Variants in CAPZA2 observed in about 807,000 individuals in gnomAD.
The protein encoded by CAPZA2 is F-actin-capping protein subunit alpha-2.
CAPZA2 carries 13 observed loss-of-function variants against 44.0 expected under a neutral mutation model. The ratio of observed to expected loss-of-function variants is 0.30; its 90% CI spans 0.19 to 0.47. The LOEUF (loss-of-function observed/expected upper bound fraction) is 0.47, where lower values mean the gene tolerates loss of function less well. CAPZA2 is among the 20% of genes least tolerant of loss of function. CAPZA2 has a pLI of 1.00. For missense variants in CAPZA2, 244 were observed against 338.6 expected, an observed-to-expected ratio of 0.72 and a Z score of 2.19; for synonymous variants, 94 against 108.2, an observed-to-expected ratio of 0.87 and a Z score of 0.81.
In CAPZA2 at chr7:116,879,038, A is replaced by ATCAC. The variant is rs1200108777; in HGVS notation, c.40-9087_40-9084dup. Reference sequence around the variant, plus strand: ...CTACTCAGGAGGCTGAGGCAGGAGAATCACTTGAACCCAGGAGGCAGAGGT... The same window carrying ATCAC: ...CTACTCAGGAGGCTGAGGCAGGAGAATCACTCACTTGAACCCAGGAGGCAGAGGT... On this transcript the variant is annotated intron_variant, in intron 1 of 9. Transcript: ENST00000361183. Among the ~76,000 whole-genome samples, 9 of 150,428 alleles carry ATCAC rather than the reference A, an allele frequency of 6.0e-5. No homozygotes were observed. In the East Asian group the frequency reaches 1.4e-3, roughly 23 times the overall value.
intron 1 of CAPZA2, among the ~76,000 whole-genome samples, chr7:116,867,733 A>G (rs576045027): frequency 6.6e-6 from 1 of 151,778 alleles, no homozygotes; most frequent in African/African-American, 2.4e-5. Flanking sequence ...ACAGGCACAC[A>G]CCTGCGTCCC....
At chr7:116,862,713 C>T in intron 1 of CAPZA2, 63 bp downstream of exon 1, 1 of 1,487,752 alleles carries the variant, frequency 6.7e-7, no homozygotes, top group Non-Finnish European at 9.0e-7. Context: ...GCGGGTGGGC[C>T]CGGAGTCTGG....
At chr7:116,900,855 A>G (rs1356439238) in intron 4 of CAPZA2, among the ~76,000 whole-genome samples, 1 of 152,130 alleles carries the variant, frequency 6.6e-6, no homozygotes, top group Non-Finnish European at 1.5e-5. Context: ...AAAGGATATG[A>G]ACAGACACTT....
intron 8 of CAPZA2, among the ~76,000 whole-genome samples, chr7:116,912,934 G>A (rs533067123): frequency 3.7e-4 from 57 of 152,232 alleles, no homozygotes; most frequent in African/African-American, 1.3e-3. Flanking sequence ...CAGTTTTTCT[G>A]TATCTTTTTC....
intron 6 of CAPZA2, among the ~76,000 whole-genome samples, chr7:116,909,307 T>C (rs1791555280): frequency 6.6e-6 from 1 of 152,194 alleles, no homozygotes; most frequent in Non-Finnish European, 1.5e-5. Context: ...AGAATGTCCT[T>C]AGCGTGCAGA....
chr7:116,877,312 T>G (rs1796635168), intron 1 of CAPZA2, among the ~76,000 whole-genome samples: 1 of 152,238 alleles, frequency 6.6e-6, no homozygotes, highest in African/African-American at 2.4e-5. Flanking sequence ...TGACCTTTTC[T>G]TCTGATACTT....
Position 116,912,125 on chromosome 7 carries a change from T to C in CAPZA2, c.642T>C (p.Asp214=), listed in dbSNP as rs777250338. 1.2e-6 allele frequency: 2 copies of C among 1,612,996 alleles called. No individual in the cohort carries two copies. Among genetic ancestry groups the C allele is most frequent in the Non-Finnish European group, 1.7e-6 (2 of 1,179,302 alleles). ...TAGTGAGTCATAAAGATATACAAGATTCCCTAACAGTGTCTGTAAGTAATT... is the reference window on the plus strand; with the variant it reads ...TAGTGAGTCATAAAGATATACAAGACTCCCTAACAGTGTCTGTAAGTAATT... ...VQLVSHKDIQ[D]SLTVSNEVQT... is the part of the protein sequence containing the mutation. Residue 214 remains aspartate, a synonymous_variant, in exon 8 of 10, where the codon GAT becomes GAC. Coordinates refer to ENST00000361183, the MANE Select transcript of CAPZA2 (RefSeq NM_006136.3).
intron 4 of CAPZA2, among the ~76,000 whole-genome samples, chr7:116,899,485 G>A (rs981631433): frequency 4.0e-5 from 6 of 151,868 alleles, no homozygotes; most frequent in African/African-American, 1.2e-4. Flanking sequence ...GGCATTAGTC[G>A]TTACGTAATA....
chr7:116,884,256 A>G (rs1019331978), intron 1 of CAPZA2, among the ~76,000 whole-genome samples: 3 of 152,192 alleles, frequency 2.0e-5, no homozygotes, highest in Non-Finnish European at 2.9e-5. Flanking sequence ...TATTTTTTCA[A>G]TTAGCATATA....
Position 116,913,085 on chromosome 7 carries a change from G to A in CAPZA2, c.657+945G>A, listed in dbSNP as rs901614938. 1.3e-5 allele frequency among the ~76,000 whole-genome samples: 2 copies of A among 152,010 alleles called. 1 individual carries two copies. Among genetic ancestry groups the A allele is most frequent in the South Asian group, 4.2e-4 (2 of 4,804 alleles). On this transcript the variant is annotated intron_variant, in intron 8 of 9. Transcript: ENST00000361183. ...TGATCATTTGTATATCTTTTGGGGG[G>A]AAATACCTATTCAGATCCTTTGCTC...
rs548271136 is a variant in CAPZA2 at position 116,874,543 on chromosome 7, A to G, written c.39+11893A>G. 3 of 152,382 alleles carry G rather than the reference A, an allele frequency of 2.0e-5. No homozygotes were observed. In the East Asian group the frequency reaches 5.8e-4, roughly 29 times the overall value. 9.4% of individuals were successfully genotyped at this position (152,382 alleles called of 1,614,324 possible). ...CATCAGTGTCTCTGTCTTTGCCAGC[A>G]GCACGTCAAGTGCAATGTATAGCAA... On this transcript the variant is annotated intron_variant, in intron 1 of 9. Coordinates refer to ENST00000361183, the MANE Select transcript of CAPZA2 (RefSeq NM_006136.3).
rs1266247963 is a variant in CAPZA2, at chr7:116,921,671, G to T, written c.*3804G>T. ...CACTGCAGCCTGGGTGACAGGGTGA[G>T]AGTCTGTCTCAAAAAAAGAAAAAGG... On this transcript the variant is annotated 3_prime_UTR_variant, in exon 10 of 10. Transcript: ENST00000361183. 1 of 152,244 alleles carries T rather than the reference G, an allele frequency of 6.6e-6. No homozygotes were observed. The highest frequency in any genetic ancestry group is 6.5e-5 in the Admixed American group (1 of 15,274). The allele number at this position is 152,244 out of a possible 1,614,324, so 9.4% of individuals were successfully genotyped here.
Position 116,890,575 on chromosome 7 carries a change from TATATATATATATATATATATATAC to T in CAPZA2, c.103+2387_104-2394del, listed in dbSNP as rs1562960016. On this transcript the variant is annotated intron_variant, in intron 2 of 9. Transcript: ENST00000361183. ...ATATATATATATATATATACACATA[TATATATATATATATATATATATAC>T]ACACACACACACACATATATACAAA... Among the ~76,000 whole-genome samples the T allele has an allele frequency of 5.4e-3, 117 of 21,614 alleles. 3 individuals carry two copies. The highest frequency in any genetic ancestry group is 0.022 in the African/African-American group (109 of 4,934). The allele number at this position is 21,614 out of a possible 152,430, so 14.2% of individuals were successfully genotyped here.
At chr7:116,879,656 G>A (rs1478286788) in intron 1 of CAPZA2, among the ~76,000 whole-genome samples, 2 of 152,138 alleles carry the variant, frequency 1.3e-5, no homozygotes, top group Admixed American at 1.3e-4. Flanking sequence ...ACAGAGTGCA[G>A]GTGGTAATGC....
intron 1 of CAPZA2, among the ~76,000 whole-genome samples, chr7:116,876,992 G>C (rs78458574): frequency 0.011 from 1,682 of 152,270 alleles, 26 homozygotes; most frequent in African/African-American, 0.037. Flanking sequence ...GGCTGGCCGG[G>C]ACCCAAAGCT....
intron 1 of CAPZA2, among the ~76,000 whole-genome samples, chr7:116,877,667 CTGT>C (rs1312042056): frequency 6.6e-6 from 1 of 152,194 alleles, no homozygotes; most frequent in Non-Finnish European, 1.5e-5. Context: ...AGCAGTGGAG[CTGT>C]AGTCTGAATC....
chr7:116,867,791 C>A (rs2115865645), intron 1 of CAPZA2, among the ~76,000 whole-genome samples: 1 of 152,208 alleles, frequency 6.6e-6, no homozygotes, highest in East Asian at 1.9e-4. Flanking sequence ...GCTATGTTGC[C>A]CAGGCTGGTC....
At chr7:116,878,827 G>C (rs1172513553) in intron 1 of CAPZA2, among the ~76,000 whole-genome samples, 1 of 152,054 alleles carries the variant, frequency 6.6e-6, no homozygotes, top group Non-Finnish European at 1.5e-5. Flanking sequence ...TGTATTCCAG[G>C]TCTATATTTA....
At chr7:116,906,829 G>T (rs1375484841) in intron 6 of CAPZA2, 1 of 152,394 alleles carries the variant, frequency 6.6e-6, no homozygotes, top group Non-Finnish European at 1.5e-5. Context: ...GTAATTTTGT[G>T]TACAAATAAT....
Sources: allele counts gnomAD v4.1 joint callset (sites outside exome capture counted in the v4.1 genomes callset), GRCh38; gene constraint gnomAD v4.1.1; transcripts MANE v1.5; gene names NCBI Gene and HGNC (gene_info 2026-07-23, HGNC 2026-07-21).